CYB5R4: variants seen among roughly 807,000 people sequenced by gnomAD.
CYB5R4 encodes N-terminal cytochrome b5 and cytochrome b5 oxidoreductase domain-containing protein.
CYB5R4 carries 55 observed loss-of-function variants against 70.2 expected under a neutral mutation model. That is an observed-to-expected ratio of 0.78 (90% CI 0.63 to 0.98). CYB5R4 has a LOEUF of 0.98. Ranked by LOEUF, CYB5R4 falls within the 50% of genes least tolerant of loss-of-function variation. The probability of loss-of-function intolerance (pLI) is 0.00; values close to 1 mark genes in which losing one functional copy is unlikely to be tolerated. For synonymous variants in CYB5R4, 197 were observed against 199.5 expected, an observed-to-expected ratio of 0.99 and a Z score of 0.11; for missense variants, 562 against 612.6, an observed-to-expected ratio of 0.92 and a Z score of 0.87.
chr6:83,884,268 A>G (rs1345364572), intron 2 of CYB5R4, among the ~76,000 whole-genome samples: 1 of 151,768 alleles, frequency 6.6e-6, no homozygotes, highest in East Asian at 1.9e-4. Flanking sequence ...ATGTATTATC[A>G]AGACCTGACT....
At chr6:83,918,108 G>T (rs200526921) in intron 6 of CYB5R4, 43 bp downstream of exon 6, 4 of 1,362,374 alleles carry the variant, frequency 2.9e-6, no homozygotes, top group East Asian at 2.3e-5. Context: ...AATCAATTAT[G>T]TACAAAAATG....
At chr6:83,897,026 C>T (rs1252277233) in intron 3 of CYB5R4, among the ~76,000 whole-genome samples, 2 of 151,864 alleles carry the variant, frequency 1.3e-5, no homozygotes, top group Non-Finnish European at 2.9e-5. Context: ...CATAATTTAT[C>T]ATTAGGTATA....
chr6:83,919,843 A>G (rs554208316), intron 7 of CYB5R4, among the ~76,000 whole-genome samples: 2 of 152,086 alleles, frequency 1.3e-5, no homozygotes, highest in East Asian at 1.9e-4. Flanking sequence ...TAACATCACC[A>G]TAAGAACAAA....
At chr6:83,910,287 G>A (rs752540127) in intron 4 of CYB5R4, 3 of 670,134 alleles carry the variant, frequency 4.5e-6, no homozygotes, top group Non-Finnish European at 5.0e-6. Flanking sequence ...GTAAAATGGA[G>A]ACAATTTAGG....
At chr6:83,959,384 ATAT>A (rs1562849221) in intron 15 of CYB5R4, among the ~76,000 whole-genome samples, 1 of 152,186 alleles carries the variant, frequency 6.6e-6, no homozygotes, top group African/African-American at 2.4e-5. Flanking sequence ...ACATAAAGAC[ATAT>A]TATTAAGGAA....
At position 83,918,036 on chromosome 6, in the gene CYB5R4, A is replaced by T; in HGVS notation, c.477A>T (p.Thr159=). The stretch of plus-strand genomic sequence containing the variant: ...TTCCCAAGAGCCAAGTGACAGATAC[A>T]CTTGCCAAAGAAGGTCCTAGTTATC... ...GMLPKSQVTD[T]LAKEGPSYPS... is the part of the protein sequence containing the mutation. Residue 159 remains threonine (T), a synonymous_variant, in exon 6 of 16, where the codon ACA becomes ACT. Coordinates refer to ENST00000369681, the MANE Select transcript of CYB5R4 (RefSeq NM_016230.4). 6.2e-7 allele frequency: 1 copy of T among 1,611,470 alleles called. No individual in the cohort carries two copies.
intron 5 of CYB5R4, 44 bp downstream of exon 5, chr6:83,914,492 TATG>T (rs1372915223): frequency 8.4e-6 from 12 of 1,436,686 alleles, no homozygotes; most frequent in African/African-American, 2.9e-5. Flanking sequence ...TTCACATGCT[TATG>T]AATAGTATTG....
chr6:83,965,169 G>C lies in CYB5R4; in HGVS notation c.*5291G>C, dbSNP rs1361543988. The stretch of plus-strand genomic sequence containing the variant: ...ACCGCCTAGTGGAGCTGTGAGAAGA[G>C]GACCACTGTCCTCCAGACCCCAGAA... On this transcript the variant is annotated 3_prime_UTR_variant, in exon 16 of 16. Transcript: ENST00000369681. The C allele has an allele frequency of 1.3e-5, 2 of 152,244 alleles. No individual in the cohort carries two copies. The highest frequency in any genetic ancestry group is 4.8e-5 in the African/African-American group (2 of 41,448). The allele number at this position is 152,244 out of a possible 1,614,324, so 9.4% of individuals were successfully genotyped here.
intron 2 of CYB5R4, among the ~76,000 whole-genome samples, chr6:83,864,928 A>G (rs1404484590): frequency 6.6e-6 from 1 of 152,200 alleles, no homozygotes; most frequent in Admixed American, 6.5e-5. Flanking sequence ...GTGGTAGCCA[A>G]CAACCTGATA....
At chr6:83,951,536 T>C (rs901409193) in intron 14 of CYB5R4, among the ~76,000 whole-genome samples, 6 of 152,186 alleles carry the variant, frequency 3.9e-5, no homozygotes, top group Non-Finnish European at 8.8e-5. Context: ...CATGCAGTGT[T>C]TGGTTTTCTG....
At chr6:83,954,888 A>C (rs1331943926) in intron 14 of CYB5R4, among the ~76,000 whole-genome samples, 1 of 150,178 alleles carries the variant, frequency 6.7e-6, no homozygotes, top group Non-Finnish European at 1.5e-5. Flanking sequence ...AAGTTTAAAC[A>C]GTTTTTTTTG....
intron 2 of CYB5R4, among the ~76,000 whole-genome samples, chr6:83,868,196 C>T (rs2129128193): frequency 6.6e-6 from 1 of 151,366 alleles, no homozygotes; most frequent in Admixed American, 6.6e-5. Flanking sequence ...TTTTAAAGTA[C>T]TAATTCCTTC....
At chr6:83,917,905 C>T (rs1045343114) in intron 5 of CYB5R4, 100 bp from the exon 6 acceptor site, 22 of 896,514 alleles carry the variant, frequency 2.5e-5, no homozygotes, top group Admixed American at 1.1e-4. Context: ...GATTTGTATC[C>T]TTTTATGAAT....
At chr6:83,938,815 G>A (rs944660322) in intron 12 of CYB5R4, among the ~76,000 whole-genome samples, 1 of 151,908 alleles carries the variant, frequency 6.6e-6, no homozygotes, top group Non-Finnish European at 1.5e-5. Context: ...AAACTATAAT[G>A]AGGAGCTTCT....
intron 2 of CYB5R4, among the ~76,000 whole-genome samples, chr6:83,874,517 AC>A (rs1037466490): frequency 9.1e-5 from 13 of 143,056 alleles, no homozygotes; most frequent in Non-Finnish European, 1.5e-4. Context: ...TCTTTCTCAG[AC>A]CTTTTTTTTT....
intron 3 of CYB5R4, among the ~76,000 whole-genome samples, chr6:83,899,492 G>A (rs9444107): frequency 0.041 from 6,223 of 152,202 alleles, 441 homozygotes; most frequent in African/African-American, 0.14. Flanking sequence ...AATGAGTTAG[G>A]GAGGATTCCC....
chr6:83,940,738 T>C (rs2099469624), intron 14 of CYB5R4, 137 bp downstream of exon 14: 1 of 1,066,936 alleles, frequency 9.4e-7, no homozygotes, highest in African/African-American at 1.7e-5. Context: ...ATTCTCTAAC[T>C]AGAAATCATG....
intron 2 of CYB5R4, among the ~76,000 whole-genome samples, chr6:83,875,046 C>T (rs1465191473): frequency 6.6e-6 from 1 of 152,046 alleles, no homozygotes; most frequent in East Asian, 1.9e-4. Context: ...TGGTCTCAAA[C>T]TCTTGATCTT....
chr6:83,915,765 A>C (rs1047786302), intron 5 of CYB5R4, among the ~76,000 whole-genome samples: 4 of 152,112 alleles, frequency 2.6e-5, no homozygotes, highest in Admixed American at 2.6e-4. Context: ...GGCTCATTTA[A>C]GTCTATGTGG....
Sources: allele counts gnomAD v4.1 joint callset (sites outside exome capture counted in the v4.1 genomes callset), GRCh38; gene constraint gnomAD v4.1.1; transcripts MANE v1.5; gene names NCBI Gene and HGNC (gene_info 2026-07-23, HGNC 2026-07-21).